NAV2: variants seen among roughly 807,000 people sequenced by gnomAD.
NAV2 encodes neuron navigator 2, also known as helicase, APC down-regulated 1.
NAV2 carries 54 observed loss-of-function variants against 223.2 expected under a neutral mutation model. The observed-to-expected ratio is 0.24, with a 90% CI of 0.19 to 0.30. The LOEUF is 0.30. Ranked by LOEUF, NAV2 falls within the 10% of genes least tolerant of loss-of-function variation. NAV2 has a pLI of 1.00. For synonymous variants in NAV2, 1,279 were observed against 1,239.3 expected (o/e 1.03, Z -0.67); for missense variants, 2,806 against 3,147.5 (o/e 0.89, Z 2.60).
intron 5 of NAV2, among the ~76,000 whole-genome samples, chr11:19,882,261 T>C (rs1315594845): frequency 3.3e-5 from 5 of 152,080 alleles, no homozygotes; most frequent in Non-Finnish European, 7.4e-5. Context: ...GAAGCAAAAA[T>C]GGAGATGGAC....
At chr11:19,727,925 T>C (rs1425226) in intron 1 of NAV2, among the ~76,000 whole-genome samples, 4,571 of 152,240 alleles carry the variant, frequency 0.03, 237 homozygotes, top group African/African-American at 0.1. Flanking sequence ...CACTTTTTGG[T>C]TTCTCCTAGC....
intron 1 of NAV2, among the ~76,000 whole-genome samples, chr11:19,614,467 GC>G (rs1235448167): frequency 7.2e-5 from 11 of 152,038 alleles, no homozygotes; most frequent in Admixed American, 7.2e-4. Flanking sequence ...GCAAAATTGA[GC>G]AGAAGTACAG....
intron 1 of NAV2, among the ~76,000 whole-genome samples, chr11:19,699,300 T>C (rs1278822684): frequency 6.6e-6 from 1 of 152,220 alleles, no homozygotes; most frequent in Non-Finnish European, 1.5e-5. Flanking sequence ...GGGGAAAATA[T>C]TACTTCCAAG....
At chr11:19,994,569 A>G (rs1313478152) in intron 11 of NAV2, among the ~76,000 whole-genome samples, 12 of 151,408 alleles carry the variant, frequency 7.9e-5, no homozygotes, top group Admixed American at 7.2e-4. Context: ...AAAAAAAAAA[A>G]GAGTAAAAAA....
intron 1 of NAV2, among the ~76,000 whole-genome samples, chr11:19,447,067 A>G (rs1485421796): frequency 6.6e-6 from 1 of 152,204 alleles, no homozygotes. Flanking sequence ...CCCCGGAATC[A>G]AGAAGATTTT....
chr11:19,643,467 A>G (rs1196707571), intron 1 of NAV2, among the ~76,000 whole-genome samples: 2 of 152,022 alleles, frequency 1.3e-5, no homozygotes, highest in Admixed American at 6.6e-5. Context: ...TTCCAGCTTC[A>G]TCCGTGTCCC....
At chr11:20,015,524 C>T (rs1053554876) in intron 11 of NAV2, among the ~76,000 whole-genome samples, 1 of 152,146 alleles carries the variant, frequency 6.6e-6, no homozygotes, top group Non-Finnish European at 1.5e-5. Flanking sequence ...ATAATATGTC[C>T]TCACAGTTTA....
At chr11:19,983,930 C>T (rs1040739058) in intron 10 of NAV2, among the ~76,000 whole-genome samples, 195 bp from the exon 11 acceptor site, 2 of 152,092 alleles carry the variant, frequency 1.3e-5, no homozygotes, top group Admixed American at 6.6e-5. Context: ...TTTTTGTTAG[C>T]GAGCTGGGGA....
chr11:20,111,003 A>T (rs972169508), intron 36 of NAV2, among the ~76,000 whole-genome samples: 2 of 152,132 alleles, frequency 1.3e-5, no homozygotes, highest in Admixed American at 6.5e-5. Flanking sequence ...GGGGATGAGG[A>T]TGGCTTCCAG....
intron 10 of NAV2, among the ~76,000 whole-genome samples, chr11:19,952,900 C>A (rs996467402): frequency 6.6e-6 from 1 of 152,098 alleles, no homozygotes; most frequent in Non-Finnish European, 1.5e-5. Context: ...CTGGTATATA[C>A]CAGGCATGTC....
At chr11:19,420,975 C>T (rs1251255981) in intron 1 of NAV2, among the ~76,000 whole-genome samples, 2 of 152,156 alleles carry the variant, frequency 1.3e-5, no homozygotes, top group Non-Finnish European at 2.9e-5. Context: ...GTGGGCCTGC[C>T]CTCCTCCCCA....
chr11:19,544,515 C>T (rs1335022197), intron 1 of NAV2, among the ~76,000 whole-genome samples: 1 of 152,198 alleles, frequency 6.6e-6, no homozygotes, highest in African/African-American at 2.4e-5. Flanking sequence ...CCATATTCCA[C>T]ACATGGGAAA....
chr11:20,015,435 T>C (rs1444922481), intron 11 of NAV2, among the ~76,000 whole-genome samples: 3 of 152,244 alleles, frequency 2.0e-5, no homozygotes, highest in African/African-American at 7.2e-5. Flanking sequence ...CTTTCACCAT[T>C]GCACAGCATT....
chr11:19,394,039 G>A (rs1849352857), intron 1 of NAV2, among the ~76,000 whole-genome samples: 2 of 151,914 alleles, frequency 1.3e-5, no homozygotes, highest in Non-Finnish European at 2.9e-5. Flanking sequence ...TTGAAGACCT[G>A]CTTTACTTGG....
chr11:19,998,166 T>G lies in NAV2; in HGVS notation c.2768+13919T>G, dbSNP rs1250797174. On this transcript the variant is annotated intron_variant, in intron 11 of 37. Coordinates refer to ENST00000349880, the MANE Select transcript of NAV2 (RefSeq NM_145117.5). The surrounding 1 kb of genome is among the most constrained non-coding windows in gnomAD (Gnocchi z 5.0). ...TCCTAAGATAATTGATAAGACTGAC[T>G]GAAGAGTTTTCCTCCCCCTTTTCCT... 3.9e-5 allele frequency among the ~76,000 whole-genome samples: 6 copies of G among 152,168 alleles called. No individual in the cohort carries two copies. Among genetic ancestry groups the G allele is most frequent in the Non-Finnish European group, 8.8e-5 (6 of 68,036 alleles).
intron 1 of NAV2, among the ~76,000 whole-genome samples, chr11:19,526,677 C>G (rs2134381211): frequency 6.6e-6 from 1 of 152,222 alleles, no homozygotes; most frequent in African/African-American, 2.4e-5. Context: ...TCAGAGTCCC[C>G]AGGATGGCTG....
At chr11:19,869,771 C>T (rs2062355961) in intron 4 of NAV2, among the ~76,000 whole-genome samples, 1 of 152,200 alleles carries the variant, frequency 6.6e-6, no homozygotes, top group Non-Finnish European at 1.5e-5. Context: ...GCACCTTTCC[C>T]TAGTGAGACT....
intron 1 of NAV2, among the ~76,000 whole-genome samples, chr11:19,449,500 G>A (rs1851711086): frequency 6.6e-6 from 1 of 151,960 alleles, no homozygotes; most frequent in South Asian, 2.1e-4. Flanking sequence ...CTCAGGGAAA[G>A]CACTTCTATA....
At chr11:19,966,635 A>G (rs540473455) in intron 10 of NAV2, among the ~76,000 whole-genome samples, 2 of 152,226 alleles carry the variant, frequency 1.3e-5, no homozygotes, top group African/African-American at 2.4e-5. Flanking sequence ...TGCTCTGTCC[A>G]TAAACTCCTC....
Sources: gnomAD v4.1 joint callset for allele counts (sites outside exome capture counted in the v4.1 genomes callset) on GRCh38, gnomAD v4.1.1 for gene constraint, Gnocchi (gnomAD v3.1) non-coding constraint, MANE v1.5 for transcripts, NCBI Gene and HGNC (gene_info 2026-07-23, HGNC 2026-07-21) for gene names.